Variants in TBCD observed in about 807,000 individuals in gnomAD.
TBCD encodes the protein tubulin-specific chaperone D.
Under a neutral mutation model 169.3 loss-of-function variants are expected in TBCD, and 105 were observed. That is an observed-to-expected ratio of 0.62 (90% CI 0.53 to 0.73). TBCD has a LOEUF of 0.73. Ranked by LOEUF, TBCD falls within the 30% of genes least tolerant of loss-of-function variation. The pLI is 0.00. For synonymous variants in TBCD, 700 were observed against 643.9 expected, an observed-to-expected ratio of 1.09 and a Z score of -1.32; for missense variants, 1,444 against 1,600.1, an observed-to-expected ratio of 0.90 and a Z score of 1.66.
intron 7 of TBCD, among the ~76,000 whole-genome samples, chr17:82,788,953 C>T (rs948761021): frequency 6.6e-5 from 10 of 152,222 alleles, no homozygotes; most frequent in South Asian, 2.1e-4. Context: ...AAACATTTCA[C>T]ATTTAGGCTT....
Position 82,835,104 on chromosome 17 carries a change from T to G in TBCD, c.1318+20170T>G, listed in dbSNP as rs528591873. Among the ~76,000 whole-genome samples, 1 of 152,232 alleles carries G rather than the reference T, an allele frequency of 6.6e-6. No homozygotes were observed. The highest frequency in any genetic ancestry group is 1.9e-4 in the East Asian group (1 of 5,174). The stretch of plus-strand genomic sequence containing the variant: ...ATGGAAATGACTTAAGAAAACTGTT[T>G]CAACTGCAGTATTTTTTTTAAGGAA... On this transcript the variant is annotated intron_variant, in intron 13 of 38. Coordinates refer to ENST00000355528, the MANE Select transcript of TBCD (RefSeq NM_005993.5). The surrounding 1 kb of genome is among the most constrained non-coding windows in gnomAD (Gnocchi z 4.5).
At chr17:82,798,805 A>G (rs1177630595) in intron 8 of TBCD, among the ~76,000 whole-genome samples, 1 of 152,154 alleles carries the variant, frequency 6.6e-6, no homozygotes, top group African/African-American at 2.4e-5. Flanking sequence ...GCTGGAATAC[A>G]TGACACAGCT....
At chr17:82,937,777 T>TG in intron 35 of TBCD, 1 of 1,198,294 alleles carries the variant, frequency 8.3e-7, no homozygotes, top group South Asian at 1.6e-5. Context: ...CTCCTTGAGG[T>TG]GGGGGTCCTC....
In TBCD at chr17:82,831,177, G is replaced by T. The variant is rs545667847; in HGVS notation, c.1318+16243G>T. On this transcript the variant is annotated intron_variant, in intron 13 of 38. Transcript: ENST00000355528. The surrounding 1 kb of genome is among the most constrained non-coding windows in gnomAD (Gnocchi z 4.6). Reference sequence around the variant, plus strand: ...TGGAGAGGTCGTACAGGCCTTCGCAGGTCTGGCTCGTCTGCATGAAGTCGG... The same window carrying T: ...TGGAGAGGTCGTACAGGCCTTCGCATGTCTGGCTCGTCTGCATGAAGTCGG... 1.9e-6 allele frequency: 3 copies of T among 1,614,170 alleles called. No homozygotes were observed. The highest frequency in any genetic ancestry group is 1.1e-5 in the South Asian group (1 of 91,074).
At position 82,880,928 on chromosome 17, in the gene TBCD, G is replaced by T. The variant is rs537830742; in HGVS notation, c.1476-3217G>T. 4.0e-5 allele frequency among the ~76,000 whole-genome samples: 5 copies of T among 123,532 alleles called. No homozygotes were observed. In the South Asian group the frequency reaches 1.6e-3, roughly 40 times the overall value. The allele number at this position is 123,532 out of a possible 152,430, so 81.0% of individuals were successfully genotyped here. A position where few individuals can be genotyped will look rare whatever the true frequency, so the allele number is the denominator to read the frequency against. Reference sequence around the variant, plus strand: ...CTTTGGATGGCTCCAGGCGGAACTCGGGGAAGGAGGCCGTGTACTCCCATA... The same window carrying T: ...CTTTGGATGGCTCCAGGCGGAACTCTGGGAAGGAGGCCGTGTACTCCCATA... On this transcript the variant is annotated intron_variant, in intron 14 of 38. Coordinates refer to ENST00000355528, the MANE Select transcript of TBCD (RefSeq NM_005993.5). The surrounding 1 kb of genome is among the most constrained non-coding windows in gnomAD (Gnocchi z 5.0).
chr17:82,861,328 C>CTCACGTCAGCCGCTGGT (rs36224969), intron 13 of TBCD, among the ~76,000 whole-genome samples: 1 of 150,944 alleles, frequency 6.6e-6, no homozygotes, highest in African/African-American at 2.4e-5. Flanking sequence ...TGAATTCCAC[C>CTCACGTCAGCCGCTGGT]TCACGTCAGC....
chr17:82,766,246 C>T lies in TBCD; in HGVS notation c.334-21C>T, dbSNP rs764479209. 2.5e-6 allele frequency: 4 copies of T among 1,581,454 alleles called. No homozygotes were observed. In the Admixed American group the frequency reaches 5.4e-5, roughly 21 times the overall value. The stretch of plus-strand genomic sequence containing the variant: ...CTCTGTATTTTTAAATGTTATAATT[C>T]AGCATCTCTTTATTTGATAGGTTCG... On this transcript the variant is annotated intron_variant, in intron 3 of 38. Transcript: ENST00000355528.
intron 17 of TBCD, among the ~76,000 whole-genome samples, chr17:82,899,728 A>G (rs1328055085): frequency 6.6e-6 from 1 of 152,350 alleles, no homozygotes; most frequent in East Asian, 1.9e-4. Context: ...TGGCTGTATA[A>G]TCTTGTACTT....
intron 13 of TBCD, among the ~76,000 whole-genome samples, chr17:82,823,375 A>T (rs2145097179): frequency 6.6e-6 from 1 of 152,288 alleles, no homozygotes; most frequent in East Asian, 1.9e-4. Flanking sequence ...TGGCTTGTTT[A>T]ATCTTGGTAG....
Position 82,923,790 on chromosome 17 carries a change from G to C in TBCD, c.2260+57G>C. The C allele has an allele frequency of 1.4e-6, 2 of 1,442,784 alleles. No individual in the cohort carries two copies. The highest frequency in any genetic ancestry group is 1.2e-5 in the South Asian group (1 of 80,628). The allele number at this position is 1,442,784 out of a possible 1,614,324, so 89.4% of individuals were successfully genotyped here. ...AGGGGCTTCCAGCAGGAAGCTGCTG[G>C]GGAGTGTCTGGGCACGGAGGAGGCC... is the stretch of plus-strand genomic sequence containing the variant. On this transcript the variant is annotated intron_variant, in intron 26 of 38. Transcript: ENST00000355528. This position sits in a 1 kb window ranked among gnomAD's most constrained non-coding sequence, Gnocchi z 4.6.
At chr17:82,879,171 C>A (rs147032817) in intron 14 of TBCD, among the ~76,000 whole-genome samples, 21 of 150,676 alleles carry the variant, frequency 1.4e-4, no homozygotes, top group African/African-American at 5.1e-4. Flanking sequence ...GCATCCACCA[C>A]TTCCCAGGAG....
chr17:82,865,835 A>C (rs1221306163), intron 13 of TBCD, among the ~76,000 whole-genome samples: 1 of 152,118 alleles, frequency 6.6e-6, no homozygotes, highest in Non-Finnish European at 1.5e-5. Flanking sequence ...TCTGAGGGTT[A>C]AGTTGTTTCT....
At chr17:82,840,957 T>TTTTTTTG (rs2054453601) in intron 13 of TBCD, among the ~76,000 whole-genome samples, 1 of 34,030 alleles carries the variant, frequency 2.9e-5, no homozygotes, top group African/African-American at 9.8e-5. Flanking sequence ...CAAACTGGTT[T>TTTTTTTG]TTTTTTTTTT....
chr17:82,807,640 A>T lies in TBCD; in HGVS notation c.1120A>T (p.Thr374Ser), dbSNP rs2051070196. The part of the protein sequence containing the change: ...QLLVGLKDKD[T>S]VVRWSAAKGI... ...GCTGGTCGGGCTGAAGGACAAGGAC[A>T]CGGTCGTGCGGTGGTCTGCAGCCAA... Residue 374 changes from threonine to serine, a missense_variant, in exon 11 of 39, where the codon ACG becomes TCG. Thr to Ser is a moderately conservative substitution (Grantham distance 58). Transcript: ENST00000355528. 3 of 1,557,102 alleles carry T rather than the reference A, an allele frequency of 1.9e-6. No individual in the cohort carries two copies. The highest frequency in any genetic ancestry group is 2.6e-6 in the Non-Finnish European group (3 of 1,150,718).
chr17:82,809,662 G>A (rs748855213), intron 11 of TBCD, 46 bp from the exon 12 acceptor site: 7 of 1,596,170 alleles, frequency 4.4e-6, no homozygotes, highest in Admixed American at 3.5e-5. Flanking sequence ...TGCCCTTGGC[G>A]ACAGGCTGGT....
rs375249635 is a variant in TBCD, at chr17:82,807,685, G to A, written c.1148+17G>A. ...AGCCAAGGGGTAGGTGTCTGTGGCC[G>A]CAGAAGCACCCCGGGGGGTGGGCCG... is the stretch of plus-strand genomic sequence containing the variant. On this transcript the variant is annotated intron_variant, in intron 11 of 38. Transcript: ENST00000355528. 20 of 1,459,538 alleles carry A rather than the reference G, an allele frequency of 1.4e-5. No individual in the cohort carries two copies. Among genetic ancestry groups the A allele is most frequent in the African/African-American group, 1.1e-4 (8 of 69,718 alleles). 90.4% of individuals were successfully genotyped at this position (1,459,538 alleles called of 1,614,324 possible). A position where few individuals can be genotyped will look rare whatever the true frequency, so the allele number is the denominator to read the frequency against.
chr17:82,836,422 TTCA>T (rs2053980003), intron 13 of TBCD, among the ~76,000 whole-genome samples: 1 of 152,242 alleles, frequency 6.6e-6, no homozygotes, highest in Admixed American at 6.5e-5. Context: ...TTGCAAAATG[TTCA>T]TCAAGTGAGA....
At chr17:82,882,369 C>G (rs7220642) in intron 14 of TBCD, among the ~76,000 whole-genome samples, 16,239 of 152,220 alleles carry the variant, frequency 0.11, 1,162 homozygotes, top group South Asian at 0.29. Flanking sequence ...GGCCCTGTGG[C>G]GTGTTCTGGG....
intron 7 of TBCD, chr17:82,795,488 G>A (rs940230514): frequency 8.2e-6 from 8 of 973,386 alleles, no homozygotes; most frequent in Admixed American, 1.2e-4. Flanking sequence ...CCTCTGTAGC[G>A]GTCTTCGTTG....
Sources: gnomAD v4.1 joint callset for allele counts (sites outside exome capture counted in the v4.1 genomes callset) on GRCh38, gnomAD v4.1.1 for gene constraint, Gnocchi (gnomAD v3.1) non-coding constraint, MANE v1.5 for transcripts, NCBI Gene and HGNC (gene_info 2026-07-23, HGNC 2026-07-21) for gene names.